Variants in POT1 observed in about 807,000 individuals in gnomAD.
POT1 encodes the protein protection of telomeres 1, also known as protection of telomeres protein 1.
A neutral mutation model predicts 78.5 loss-of-function variants in POT1; 47 were observed. The observed-to-expected ratio is 0.60, with a 90% CI of 0.47 to 0.76. The LOEUF (loss-of-function observed/expected upper bound fraction) is 0.76. POT1 is among the 30% of genes least tolerant of loss of function. The pLI is 0.00. For missense variants in POT1, 646 were observed against 749.9 expected, an observed-to-expected ratio of 0.86 and a Z score of 1.62; for synonymous variants, 259 against 260.7, an observed-to-expected ratio of 0.99 and a Z score of 0.06.
intron 6 of POT1, among the ~76,000 whole-genome samples, chr7:124,880,736 T>C (rs1796097978): frequency 6.6e-6 from 1 of 152,062 alleles, no homozygotes; most frequent in Admixed American, 6.6e-5. Flanking sequence ...AGGCCACCTC[T>C]TGCTTTTGCA....
chr7:124,870,259 T>A (rs892849946), intron 7 of POT1, among the ~76,000 whole-genome samples: 5 of 152,140 alleles, frequency 3.3e-5, no homozygotes, highest in African/African-American at 1.2e-4. Flanking sequence ...TAAATAAATA[T>A]TATAGCAATA....
rs1358645228 is a variant in POT1 at position 124,851,943 on chromosome 7, T to A, written c.878A>T (p.Glu293Val). 6.2e-7 allele frequency: 1 copy of A among 1,603,124 alleles called. No individual in the cohort carries two copies. The highest frequency in any genetic ancestry group is 1.7e-5 in the Admixed American group (1 of 59,972). ...SDVDQLKKDL[E>V]SANLTANQHS... is the part of the protein sequence containing the mutation. ...CTGATTGGCTGTCAAATTTGCAGAT[T>A]CTAAATCCCTATAATTGAAAGAATA... Residue 293 changes from glutamate to valine, a missense_variant, in exon 11 of 19, where the codon GAA becomes GTA. Glu to Val is a moderately radical substitution (Grantham distance 121). Coordinates refer to ENST00000357628, the MANE Select transcript of POT1 (RefSeq NM_015450.3).
chr7:124,835,873 A>C (rs1177540822), intron 14 of POT1, among the ~76,000 whole-genome samples: 15 of 152,226 alleles, frequency 9.9e-5, no homozygotes, highest in African/African-American at 2.4e-5. Context: ...ATTCACATAT[A>C]AAATTTGTTC....
At chr7:124,832,006 A>AAT (rs1554417207) in intron 15 of POT1, among the ~76,000 whole-genome samples, 1 of 126,276 alleles carries the variant, frequency 7.9e-6, no homozygotes, top group African/African-American at 2.7e-5. Context: ...AAATAAAAAA[A>AAT]AAAAAAAAAA....
chr7:124,858,044 CTGAG>C (rs1026449874), intron 9 of POT1, among the ~76,000 whole-genome samples: 8 of 152,156 alleles, frequency 5.3e-5, no homozygotes, highest in Non-Finnish European at 1.0e-4. Flanking sequence ...CTCCTGTGGT[CTGAG>C]TGAGTGGAGC....
chr7:124,892,395 G>A lies in POT1; in HGVS notation c.10-15C>T. On this transcript the variant is annotated splice_polypyrimidine_tract_variant and intron_variant, in intron 5 of 18. Transcript: ENST00000357628. ...GTTGCTGGAACCTAAAGAAAGAGAA[G>A]ACAGTGAATACATTTATACAAAGTA... 1.6e-6 allele frequency: 2 copies of A among 1,232,246 alleles called. No homozygotes were observed. Among genetic ancestry groups the A allele is most frequent in the Non-Finnish European group, 2.2e-6 (2 of 901,018 alleles). 76.3% of individuals were successfully genotyped at this position (1,232,246 alleles called of 1,614,324 possible). A position where few individuals can be genotyped will look rare whatever the true frequency, so the allele number is the denominator to read the frequency against.
In POT1 at chr7:124,835,242, T is replaced by TAAACAAAACA. The variant is rs66826272; in HGVS notation, c.1505+27_1505+36dup. On this transcript the variant is annotated intron_variant, in intron 15 of 18. Transcript: ENST00000357628. ...ATGACCCCAGAACTTAAAAGTATAA[T>TAAACAAAACA]AAACAAAACAAAACAAAACAAAACA... is the stretch of plus-strand genomic sequence containing the variant. 1.9e-3 allele frequency: 3,012 copies of TAAACAAAACA among 1,577,398 alleles called. 11 individuals are homozygous for TAAACAAAACA. Among genetic ancestry groups the TAAACAAAACA allele is most frequent in the South Asian group, 8.1e-3 (727 of 89,560 alleles).
At chr7:124,830,291 A>C (rs1794728602) in intron 15 of POT1, among the ~76,000 whole-genome samples, 1 of 152,152 alleles carries the variant, frequency 6.6e-6, no homozygotes, top group African/African-American at 2.4e-5. Context: ...GCATCATCAT[A>C]ATGTTTATGA....
At chr7:124,921,240 A>C (rs1184799776) in intron 2 of POT1, among the ~76,000 whole-genome samples, 4 of 152,196 alleles carry the variant, frequency 2.6e-5, no homozygotes, top group Non-Finnish European at 5.9e-5. Flanking sequence ...AAGTATGTCA[A>C]AACTAGATGC....
At chr7:124,926,965 T>C (rs1165383946) in intron 2 of POT1, among the ~76,000 whole-genome samples, 2 of 152,168 alleles carry the variant, frequency 1.3e-5, no homozygotes, top group Non-Finnish European at 2.9e-5. Context: ...GGGAGGTTGC[T>C]TGGTGGGTAC....
intron 12 of POT1, among the ~76,000 whole-genome samples, chr7:124,846,151 ACATT>A (rs1795158815): frequency 7.8e-6 from 1 of 127,674 alleles, no homozygotes; most frequent in Non-Finnish European, 1.7e-5. Flanking sequence ...ATATGAACAC[ACATT>A]CATACTGACA....
rs552835784 is a variant in POT1, at chr7:124,841,115, T to C, written c.1227A>G (p.Pro409=). 6.2e-7 allele frequency: 1 copy of C among 1,612,876 alleles called. No individual in the cohort carries two copies. Among genetic ancestry groups the C allele is most frequent in the Non-Finnish European group, 8.5e-7 (1 of 1,179,266 alleles). ...IIFQDGATKT[P]DVKLQNTSLY... is the part of the protein sequence containing the mutation. ...ATGATGTATTTTGTAGCTTGACATC[T>C]GGGGTTTTAGTTGCACCATCCTGAA... The change falls in exon 14 of 19, where the codon CCA becomes CCG. Residue 409 remains proline (P), a synonymous_variant. Transcript: ENST00000357628.
At chr7:124,882,604 T>C (rs1009675098) in intron 6 of POT1, among the ~76,000 whole-genome samples, 26 of 152,012 alleles carry the variant, frequency 1.7e-4, no homozygotes, top group African/African-American at 6.3e-4. Context: ...GTTATTCTGG[T>C]GGAGTTTTAC....
intron 11 of POT1, among the ~76,000 whole-genome samples, chr7:124,851,010 A>C (rs1795294043): frequency 6.6e-6 from 1 of 151,862 alleles, no homozygotes; most frequent in Admixed American, 6.6e-5. Flanking sequence ...TCAAGCCTGT[A>C]ATCCCAGAAT....
chr7:124,849,895 T>A (rs1795262845), intron 11 of POT1, among the ~76,000 whole-genome samples: 1 of 152,078 alleles, frequency 6.6e-6, no homozygotes, highest in Non-Finnish European at 1.5e-5. Context: ...AGAAGAGTCA[T>A]ATTGTTTATA....
chr7:124,846,859 G>T (rs1795180209), intron 12 of POT1, 83 bp downstream of exon 12: 2 of 969,412 alleles, frequency 2.1e-6, no homozygotes, highest in African/African-American at 1.7e-5. Context: ...CTATTAGAAA[G>T]AAATGGATTA....
chr7:124,923,602 C>T (rs1032127704), intron 2 of POT1, among the ~76,000 whole-genome samples: 1 of 151,670 alleles, frequency 6.6e-6, no homozygotes, highest in Admixed American at 6.6e-5. Context: ...GTTAAAAAAA[C>T]CTATTTAAGG....
chr7:124,858,860 C>T, intron 9 of POT1, 97 bp downstream of exon 9: 1 of 706,500 alleles, frequency 1.4e-6, no homozygotes. Context: ...TAGACTGTAT[C>T]ACCTATACAT....
chr7:124,872,914 T>C (rs1012317652), intron 6 of POT1, among the ~76,000 whole-genome samples: 3 of 152,224 alleles, frequency 2.0e-5, no homozygotes, highest in African/African-American at 4.8e-5. Flanking sequence ...TGATATCTTG[T>C]TGTGGTTTTA....
Sources: gnomAD v4.1 joint callset for allele counts (sites outside exome capture counted in the v4.1 genomes callset) on GRCh38, gnomAD v4.1.1 for gene constraint, MANE v1.5 for transcripts, NCBI Gene and HGNC (gene_info 2026-07-23, HGNC 2026-07-21) for gene names.